The following WRN variants were observed in gnomAD, a reference collection of about 807,000 sequenced individuals.
WRN encodes bifunctional 3'-5' exonuclease/ATP-dependent helicase WRN.
In WRN, 149 loss-of-function variants were observed where a neutral mutation model predicts 180.7. The observed-to-expected ratio is 0.82, with a 90% confidence interval of 0.72 to 0.94. The LOEUF is 0.94. Among genes scored for constraint, WRN ranks in the 40% least tolerant of loss-of-function variants. The pLI is 0.00. For missense variants in WRN, 1,661 were observed against 1,700.1 expected (o/e 0.98, Z 0.40); for synonymous variants, 548 against 568.9 (o/e 0.96, Z 0.52).
rs772510864 is a variant in WRN at position 31,147,036 on chromosome 8, T to G, written c.3384-17T>G. ...AAAGAAAAGCTTTTATTATTTATTT[T>G]CTTTTAAATATTTTAGTATCATGGT... On this transcript the variant is annotated splice_polypyrimidine_tract_variant and intron_variant, in intron 28 of 34. Coordinates refer to ENST00000298139, the MANE Select transcript of WRN (RefSeq NM_000553.6). 6.3e-6 allele frequency: 10 copies of G among 1,588,666 alleles called. No individual in the cohort carries two copies. Among genetic ancestry groups the G allele is most frequent in the Non-Finnish European group, 8.6e-6 (10 of 1,163,914 alleles).
In WRN at chr8:31,090,839, G is replaced by A. The variant is rs1396973081; in HGVS notation, c.1726G>A (p.Gly576Arg). 4 of 1,606,316 alleles carry A rather than the reference G, an allele frequency of 2.5e-6. No homozygotes were observed. The African/African-American group carries it at 4.0e-5, about 16-fold the overall frequency. Residue 576 changes from glycine (G) to arginine (R), a missense_variant, in exon 15 of 35, where the codon GGA (glycine) becomes AGA (arginine). Physicochemically the swap from Gly to Arg is moderately radical, Grantham distance 125. Transcript: ENST00000298139. ...DNVAVMATGY[G>R]KSLCFQYPPV... ...TATATTTTTTTCATTTCAAGGATAT[G>A]GAAAGAGTTTGTGCTTCCAGTATCC...
intron 9 of WRN, among the ~76,000 whole-genome samples, chr8:31,081,644 C>T (rs537274069): frequency 6.6e-6 from 1 of 152,122 alleles, no homozygotes; most frequent in East Asian, 1.9e-4. Flanking sequence ...ATTTCGTATG[C>T]TTTTTTCATA....
At chr8:31,079,932 A>G (rs915511283) in intron 8 of WRN, among the ~76,000 whole-genome samples, 2 of 151,984 alleles carry the variant, frequency 1.3e-5, no homozygotes, top group Non-Finnish European at 2.9e-5. Flanking sequence ...CTGGAGTGCA[A>G]TGGCACGATC....
intron 5 of WRN, among the ~76,000 whole-genome samples, chr8:31,065,349 T>A (rs916753048): frequency 6.6e-6 from 1 of 152,202 alleles, no homozygotes; most frequent in Admixed American, 6.5e-5. Context: ...GTATTAAGCC[T>A]GGTACCCATT....
chr8:31,057,156 T>G (rs1812304414), intron 1 of WRN, among the ~76,000 whole-genome samples: 1 of 152,208 alleles, frequency 6.6e-6, no homozygotes, highest in South Asian at 2.1e-4. Flanking sequence ...ATTGTTTAAT[T>G]TTGTCAGAAT....
intron 7 of WRN, among the ~76,000 whole-genome samples, chr8:31,068,871 C>T (rs1812807120): frequency 6.6e-6 from 1 of 152,158 alleles, no homozygotes; most frequent in Non-Finnish European, 1.5e-5. Context: ...AACCTCAGTG[C>T]TGTTTTTAGA....
Position 31,173,142 on chromosome 8 carries a change from A to G in WRN, c.*40A>G, listed in dbSNP as rs754726306. 18 of 1,546,990 alleles carry G rather than the reference A, an allele frequency of 1.2e-5. No homozygotes were observed. Among genetic ancestry groups the G allele is most frequent in the Non-Finnish European group, 1.4e-5 (16 of 1,120,394 alleles). On this transcript the variant is annotated 3_prime_UTR_variant, in exon 35 of 35. Transcript: ENST00000298139. ...GAACAATTATGTTTCTTGCTGTATT[A>G]TAAGAGGATAGCTATATTTTATTTC...
intron 18 of WRN, among the ~76,000 whole-genome samples, chr8:31,107,681 C>G (rs1801150000): frequency 1.3e-5 from 2 of 152,120 alleles, no homozygotes; most frequent in African/African-American, 4.8e-5. Flanking sequence ...TGCTATAAAC[C>G]TGGAATGTTT....
chr8:31,167,331 TATG>T (rs1803939853), intron 34 of WRN, 101 bp downstream of exon 34: 2 of 957,768 alleles, frequency 2.1e-6, no homozygotes, highest in Non-Finnish European at 3.2e-6. Flanking sequence ...TGAATTCTGA[TATG>T]ATTACTTTCT....
intron 1 of WRN, among the ~76,000 whole-genome samples, chr8:31,051,324 C>T (rs1027567762): frequency 3.3e-5 from 5 of 152,052 alleles, no homozygotes; most frequent in South Asian, 2.1e-4. Context: ...GTGGAAAATA[C>T]GGTTCTCTTG....
chr8:31,115,636 TAGTATA>T (rs1801488879), intron 19 of WRN, among the ~76,000 whole-genome samples: 1 of 152,180 alleles, frequency 6.6e-6, no homozygotes, highest in Non-Finnish European at 1.5e-5. Context: ...AAATCTAAAA[TAGTATA>T]GTCTTTTTTA....
intron 20 of WRN, 92 bp downstream of exon 20, chr8:31,116,620 T>C: frequency 6.5e-7 from 1 of 1,544,590 alleles, no homozygotes. Context: ...TTGAATACTT[T>C]CTTTGTGTTG....
At chr8:31,091,319 C>G (rs1813740455) in intron 15 of WRN, among the ~76,000 whole-genome samples, 1 of 152,038 alleles carries the variant, frequency 6.6e-6, no homozygotes, top group Admixed American at 6.6e-5. Context: ...CCTGAGCTTG[C>G]AATCTGTTTT....
rs768558349 is a variant in WRN, at chr8:31,173,031, T to C, written c.4228T>C (p.Trp1410Arg). The C allele has an allele frequency of 1.2e-6, 2 of 1,613,864 alleles. No homozygotes were observed. The highest frequency in any genetic ancestry group is 1.7e-6 in the Non-Finnish European group (2 of 1,179,964). ...SAERKRRLPV[W>R]FAKGSDTSKK... is the part of the protein sequence containing the mutation. ...AGAGAGAAAGAGACGATTACCTGTG[T>C]GGTTTGCCAAAGGAAGTGATACCAG... The change falls in exon 35 of 35, where the codon TGG becomes CGG. Residue 1410 changes from tryptophan to arginine, a missense_variant. Around this residue, in one of 3 missense-constraint regions of WRN, gnomAD observed 1,141 missense variants for 1,149.4 expected, o/e 0.99. Coordinates refer to ENST00000298139, the MANE Select transcript of WRN (RefSeq NM_000553.6).
Position 31,120,223 on chromosome 8 carries a change from G to T in WRN, c.2449-20G>T. 6.2e-7 allele frequency: 1 copy of T among 1,612,056 alleles called. No homozygotes were observed. Among genetic ancestry groups the T allele is most frequent in the East Asian group, 2.2e-5 (1 of 44,822 alleles). ...TTCTGCTAAATATGTTTGTCAAACT[G>T]TGTTGTGATTTGTTCTCAGTGTGTC... On this transcript the variant is annotated intron_variant, in intron 20 of 34. Coordinates refer to ENST00000298139, the MANE Select transcript of WRN (RefSeq NM_000553.6).
chr8:31,124,506 T>G lies in WRN; in HGVS notation c.2631-16T>G. 2 of 1,582,916 alleles carry G rather than the reference T, an allele frequency of 1.3e-6. No individual in the cohort carries two copies. Among genetic ancestry groups the G allele is most frequent in the Non-Finnish European group, 1.7e-6 (2 of 1,152,110 alleles). On this transcript the variant is annotated splice_polypyrimidine_tract_variant and intron_variant, in intron 21 of 34. Transcript: ENST00000298139. ...AATACAGTTTTACATATTCCTGTGA[T>G]GTTTTTAATCGACAGGCACCTTCTT...
At chr8:31,141,041 C>T (rs1239199689) in intron 24 of WRN, among the ~76,000 whole-genome samples, 1 of 152,198 alleles carries the variant, frequency 6.6e-6, no homozygotes, top group Non-Finnish European at 1.5e-5. Flanking sequence ...AGGCATGCCG[C>T]ATTGCGTTTT....
intron 34 of WRN, among the ~76,000 whole-genome samples, chr8:31,168,489 C>T (rs1021782034): frequency 8.6e-6 from 1 of 116,272 alleles, no homozygotes; most frequent in Admixed American, 1.3e-4. Flanking sequence ...AGTAACATTA[C>T]ATGTCAACAA....
chr8:31,049,511 CAAAAA>C (rs754805498), intron 1 of WRN, among the ~76,000 whole-genome samples: 1 of 78,802 alleles, frequency 1.3e-5, no homozygotes. Flanking sequence ...GACTCTGTCT[CAAAAA>C]AAAAAAAAAA....
Sources: gnomAD v4.1 joint callset for allele counts (sites outside exome capture counted in the v4.1 genomes callset) on GRCh38, gnomAD v4.1.1 for gene constraint, gnomAD v4.1.1 regional missense constraint, MANE v1.5 for transcripts, NCBI Gene and HGNC (gene_info 2026-07-23, HGNC 2026-07-21) for gene names.